PPEF1: variants seen among roughly 807,000 people sequenced by gnomAD.
PPEF1 encodes protein phosphatase with EF-hand domain 1.
PPEF1 carries 12 observed loss-of-function variants against 53.3 expected under a neutral mutation model. That is an observed-to-expected ratio of 0.23 (90% CI 0.14 to 0.36). PPEF1 has a LOEUF of 0.36. Among genes scored for constraint, PPEF1 ranks in the 10% least tolerant of loss-of-function variants. PPEF1 has a pLI of 1.00. For missense variants in PPEF1, 334 were observed against 490.4 expected (o/e 0.68, Z 3.01); for synonymous variants, 165 against 176.7 (o/e 0.93, Z 0.52).
At chrX:18,764,532 G>C (rs2045728943) in intron 6 of PPEF1, among the ~76,000 whole-genome samples, 1 of 111,512 alleles carries the variant, frequency 9.0e-6, no homozygotes, top group South Asian at 3.8e-4. Flanking sequence ...AAGGTGGAAG[G>C]GGCTTCATTG....
At chrX:18,811,548 T>C (rs1196908219) in intron 12 of PPEF1, among the ~76,000 whole-genome samples, 2 of 106,831 alleles carry the variant, frequency 1.9e-5, no homozygotes, top group Non-Finnish European at 3.8e-5. Flanking sequence ...ATTTTTGCAT[T>C]GCAAGAGTTC....
At chrX:18,696,319 A>ATTT (rs34503947) in intron 4 of PPEF1, among the ~76,000 whole-genome samples, 2 of 95,747 alleles carry the variant, frequency 2.1e-5, no homozygotes, top group Non-Finnish European at 2.1e-5. Context: ...CACCCAGCTA[A>ATTT]TTTTTTTTTT....
chrX:18,762,825 G>C (rs2238944), intron 6 of PPEF1, among the ~76,000 whole-genome samples: 46,843 of 110,295 alleles, frequency 0.42, 8,454 homozygotes, highest in Non-Finnish European at 0.58. Context: ...TATTAGGTTG[G>C]TGCAAAAGTA....
At chrX:18,702,275 C>T (rs1208326234) in intron 6 of PPEF1, among the ~76,000 whole-genome samples, 2 of 110,528 alleles carry the variant, frequency 1.8e-5, no homozygotes, top group Admixed American at 9.8e-5. Context: ...AAGAATTACA[C>T]CTGCCTGCTT....
At chrX:18,814,090 T>C (rs762066067) in intron 12 of PPEF1, among the ~76,000 whole-genome samples, 6 of 111,593 alleles carry the variant, frequency 5.4e-5, no homozygotes, top group Middle Eastern at 4.2e-3. Flanking sequence ...TGAGAACATA[T>C]GGCATTTGGT....
chrX:18,703,784 T>C (rs932423578), upstream of PPEF1, among the ~76,000 whole-genome samples: 1 of 111,263 alleles, frequency 9.0e-6, no homozygotes, highest in Non-Finnish European at 1.9e-5. Context: ...TGGAGAGATA[T>C]TGAGACAGTG....
intron 1 of PPEF1, among the ~76,000 whole-genome samples, chrX:18,725,633 C>T (rs2044688930): frequency 9.0e-6 from 1 of 111,696 alleles, no homozygotes; most frequent in Admixed American, 9.5e-5. Flanking sequence ...TGCAAAGTCC[C>T]AGCCTCAGCA....
intron 3 of PPEF1, among the ~76,000 whole-genome samples, chrX:18,742,995 A>G (rs777121073): frequency 8.9e-6 from 1 of 112,177 alleles, no homozygotes; most frequent in South Asian, 3.7e-4. Context: ...ATGTGCTAGA[A>G]CTCTGGGAAA....
At chrX:18,805,578 C>T (rs1366603708) in intron 11 of PPEF1, among the ~76,000 whole-genome samples, 2 of 110,890 alleles carry the variant, frequency 1.8e-5, no homozygotes, top group Non-Finnish European at 3.8e-5. Context: ...GGCACGGTGG[C>T]TCATGCCTGT....
chrX:18,817,989 A>C (rs911398293), intron 12 of PPEF1, 50 bp from the exon 13 acceptor site: 12 of 942,526 alleles, frequency 1.3e-5, no homozygotes, highest in Non-Finnish European at 1.8e-5. Flanking sequence ...AAAATGAAAC[A>C]CAACAGGATG....
intron 3 of PPEF1, 72 bp from the exon 4 acceptor site, chrX:18,749,720 A>G (rs2045400244): frequency 1.3e-6 from 1 of 747,262 alleles, no homozygotes; most frequent in Non-Finnish European, 2.0e-6. Flanking sequence ...GAAGATATTT[A>G]TTAAATTTAA....
In PPEF1 at chrX:18,707,839, A is replaced by C; in HGVS notation, c.46+13A>C. 8.3e-7 allele frequency: 1 copy of C among 1,200,155 alleles called. No homozygotes were observed. The highest frequency in any genetic ancestry group is 1.1e-6 in the Non-Finnish European group (1 of 885,197). ...AGATCTGACACATGTGAGTACTGGG[A>C]ATGTGCCTGTGGTTATGAATGAAAA... On this transcript the variant is annotated intron_variant, in intron 1 of 15. Transcript: ENST00000470157.
chrX:18,815,673 C>T (rs1378101898), intron 12 of PPEF1, among the ~76,000 whole-genome samples: 1 of 110,546 alleles, frequency 9.0e-6, no homozygotes, highest in East Asian at 2.8e-4. Flanking sequence ...AGTGATGTCC[C>T]CTCTCACTCT....
chrX:18,782,341 T>C (rs754922257), intron 7 of PPEF1, 25 bp from the exon 8 acceptor site: 35 of 1,144,634 alleles, frequency 3.1e-5, no homozygotes, highest in Non-Finnish European at 3.8e-5. Flanking sequence ...AACAATCAAA[T>C]CATTTAAATC....
At chrX:18,676,630 TCCTGGGAAG>T (rs1329809311) in intron 1 of PPEF1, among the ~76,000 whole-genome samples, 1 of 111,606 alleles carries the variant, frequency 9.0e-6, no homozygotes, top group African/African-American at 3.3e-5. Context: ...GCCTCAGGAC[TCCTGGGAAG>T]CCTGATAATA....
chrX:18,801,592 C>G (rs1357049823), intron 10 of PPEF1, among the ~76,000 whole-genome samples: 1 of 111,813 alleles, frequency 8.9e-6, no homozygotes, highest in Non-Finnish European at 1.9e-5. Context: ...CTAAAGATCT[C>G]AAAAGTGAGA....
chrX:18,721,613 C>T (rs1299430484), intron 1 of PPEF1, among the ~76,000 whole-genome samples: 1 of 111,571 alleles, frequency 9.0e-6, no homozygotes, highest in African/African-American at 3.3e-5. Flanking sequence ...CTCGGAGTTT[C>T]GTTGATTTGC....
intron 7 of PPEF1, among the ~76,000 whole-genome samples, chrX:18,781,928 G>A (rs974955148): frequency 1.9e-5 from 2 of 107,721 alleles, no homozygotes; most frequent in African/African-American, 7.2e-5. Flanking sequence ...AAGTTGTTCA[G>A]TCTTTTCTTT....
chrX:18,744,655 T>G (rs2045282732), intron 3 of PPEF1, among the ~76,000 whole-genome samples: 1 of 111,859 alleles, frequency 8.9e-6, no homozygotes, highest in African/African-American at 3.2e-5. Context: ...TATTTTATAT[T>G]TTTTGTTGCT....
Sources: gnomAD v4.1 joint callset for allele counts (sites outside exome capture counted in the v4.1 genomes callset) on GRCh38, gnomAD v4.1.1 for gene constraint, MANE v1.5 for transcripts, NCBI Gene and HGNC (gene_info 2026-07-23, HGNC 2026-07-21) for gene names.